CYP2C19: variants seen among roughly 807,000 people sequenced by gnomAD.
CYP2C19 encodes cytochrome P450 2C19.
In CYP2C19, 59 loss-of-function variants were observed where a neutral mutation model predicts 40.9. The observed-to-expected ratio is 1.44, with a 90% CI of 1.17 to 1.79. The LOEUF (loss-of-function observed/expected upper bound fraction) is 1.79, where lower values mean the gene tolerates loss of function less well. Ranked by LOEUF, CYP2C19 falls within the 40% of genes most tolerant of loss-of-function variation. The probability of loss-of-function intolerance (pLI) is 0.00; values close to 1 mark genes in which losing one functional copy is unlikely to be tolerated. For synonymous variants in CYP2C19, 253 were observed against 208.7 expected, an observed-to-expected ratio of 1.21 and a Z score of -1.83; for missense variants, 754 against 596.9, an observed-to-expected ratio of 1.26 and a Z score of -2.74.
chr10:94,820,254 G>T (rs1018087627), intron 5 of CYP2C19, among the ~76,000 whole-genome samples: 6 of 151,770 alleles, frequency 4.0e-5, no homozygotes, highest in African/African-American at 1.5e-4. Flanking sequence ...AATAATAAGA[G>T]CTATCTATGA....
chr10:94,768,350 G>C (rs185366974), intron 1 of CYP2C19, among the ~76,000 whole-genome samples: 6 of 152,024 alleles, frequency 3.9e-5, no homozygotes, highest in African/African-American at 1.2e-4. Flanking sequence ...AACTTCCTTC[G>C]GTATATAGGT....
At chr10:94,827,611 CCAG>C (rs1849250817) in intron 6 of CYP2C19, among the ~76,000 whole-genome samples, 1 of 152,150 alleles carries the variant, frequency 6.6e-6, no homozygotes, top group African/African-American at 2.4e-5. Context: ...TTCAAAAAAA[CCAG>C]CTCCTGGATT....
At chr10:94,795,313 T>C (rs1848668008) in intron 5 of CYP2C19, among the ~76,000 whole-genome samples, 1 of 151,930 alleles carries the variant, frequency 6.6e-6, no homozygotes, top group South Asian at 2.1e-4. Flanking sequence ...TTCATCCATG[T>C]CCCTACAAAG....
chr10:94,838,426 C>T (rs955774365), intron 6 of CYP2C19, among the ~76,000 whole-genome samples: 10 of 152,158 alleles, frequency 6.6e-5, no homozygotes, highest in Admixed American at 3.9e-4. Flanking sequence ...CAAAGGATTG[C>T]CCTAACCCTT....
intron 6 of CYP2C19, among the ~76,000 whole-genome samples, chr10:94,828,008 A>G (rs1413894764): frequency 2.0e-5 from 3 of 151,844 alleles, no homozygotes; most frequent in Non-Finnish European, 4.4e-5. Flanking sequence ...TTCTAGTTTG[A>G]TTGCACTGTG....
chr10:94,774,990 C>T, intron 1 of CYP2C19, 68 bp from the exon 2 acceptor site: 1 of 1,516,014 alleles, frequency 6.6e-7, no homozygotes, highest in Non-Finnish European at 9.1e-7. Context: ...AAATATGAAT[C>T]TAAGTCAGGC....
chr10:94,780,628 A>G lies in CYP2C19; in HGVS notation c.611A>G (p.Asn204Ser), dbSNP rs1564662986. Residue 204 changes from asparagine to serine, a missense_variant, in exon 4 of 9, where the codon AAC becomes AGC. Physicochemically the swap from Asn to Ser is conservative, Grantham distance 46. Coordinates refer to ENST00000371321, the MANE Select transcript of CYP2C19 (RefSeq NM_000769.4). ...FLNLMEKLNENIRIVSTPWIQ... is the reference protein window; with the variant it reads ...FLNLMEKLNESIRIVSTPWIQ... ...AACTTGATGGAAAAATTGAATGAAA[A>G]CATCAGGATTGTAAGCACCCCCTGG... 6.2e-7 allele frequency: 1 copy of G among 1,613,816 alleles called. No homozygotes were observed. The highest frequency in any genetic ancestry group is 2.2e-5 in the East Asian group (1 of 44,862).
chr10:94,786,698 C>A (rs1348320144), intron 5 of CYP2C19, among the ~76,000 whole-genome samples: 5 of 151,976 alleles, frequency 3.3e-5, no homozygotes, highest in Non-Finnish European at 2.9e-5. Flanking sequence ...ATCTCTCTAC[C>A]ATCTATAGTA....
At position 94,784,503 on chromosome 10, in the gene CYP2C19, C is replaced by T. The variant is rs1027303422; in HGVS notation, c.819+2506C>T. On this transcript the variant is annotated intron_variant, in intron 5 of 8. Transcript: ENST00000371321. The stretch of plus-strand genomic sequence containing the variant: ...ACAGTGAATGTGGCATTTTATATTC[C>T]TTCCAGCAATGTAGAAGGATTTCTG... Among the ~76,000 whole-genome samples, 3 of 152,036 alleles carry T rather than the reference C, an allele frequency of 2.0e-5. No homozygotes were observed. In the East Asian group the frequency reaches 5.8e-4, roughly 29 times the overall value.
intron 6 of CYP2C19, among the ~76,000 whole-genome samples, chr10:94,833,488 T>A (rs1343827939): frequency 6.6e-6 from 1 of 152,156 alleles, no homozygotes; most frequent in African/African-American, 2.4e-5. Context: ...TTAGGGTACA[T>A]GTGCACATTG....
At chr10:94,774,901 T>G (rs991212787) in intron 1 of CYP2C19, 157 bp from the exon 2 acceptor site, 1 of 792,920 alleles carries the variant, frequency 1.3e-6, no homozygotes, top group Admixed American at 2.9e-5. Context: ...GCAAGTATAA[T>G]AATCATCATC....
chr10:94,789,986 T>C (rs1053806991), intron 5 of CYP2C19, among the ~76,000 whole-genome samples: 1 of 152,180 alleles, frequency 6.6e-6, no homozygotes, highest in East Asian at 1.9e-4. Flanking sequence ...GCATGGAATG[T>C]TCTTGCATTT....
intron 6 of CYP2C19, among the ~76,000 whole-genome samples, chr10:94,830,460 AC>A (rs1849315474): frequency 6.6e-6 from 1 of 152,052 alleles, no homozygotes; most frequent in Non-Finnish European, 1.5e-5. Context: ...CAGAAAGGGA[AC>A]TCCCTGACCC....
chr10:94,840,221 G>A lies in CYP2C19; in HGVS notation c.962-2616G>A, dbSNP rs557976282. 2.6e-5 allele frequency among the ~76,000 whole-genome samples: 4 copies of A among 151,552 alleles called. No individual in the cohort carries two copies. In the East Asian group the frequency reaches 5.8e-4, roughly 22 times the overall value. On this transcript the variant is annotated intron_variant, in intron 6 of 8. Transcript: ENST00000371321. ...ATTTACCCTGGCTTTTAAAGGAATG[G>A]GGCACACTTTTTTTTTTTTTAACTA...
chr10:94,773,270 T>C (rs1848360956), intron 1 of CYP2C19, among the ~76,000 whole-genome samples: 1 of 152,154 alleles, frequency 6.6e-6, no homozygotes, highest in African/African-American at 2.4e-5. Context: ...TCTCACTGAC[T>C]TCAAGAATGA....
intron 5 of CYP2C19, among the ~76,000 whole-genome samples, chr10:94,793,289 T>C (rs949308159): frequency 3.9e-5 from 6 of 152,184 alleles, no homozygotes; most frequent in African/African-American, 9.6e-5. Context: ...TTCTTTGTGA[T>C]GGGTTCAAAC....
At chr10:94,834,338 T>C (rs975202693) in intron 6 of CYP2C19, among the ~76,000 whole-genome samples, 4 of 152,140 alleles carry the variant, frequency 2.6e-5, no homozygotes, top group African/African-American at 9.6e-5. Flanking sequence ...GCAGTATCAG[T>C]TGTATTGCTT....
At position 94,828,180 on chromosome 10, in the gene CYP2C19, C is replaced by T. The variant is rs567328215; in HGVS notation, c.961+7543C>T. Among the ~76,000 whole-genome samples the T allele has an allele frequency of 2.9e-3, 437 of 151,996 alleles. 2 individuals carry two copies. The highest frequency in any genetic ancestry group is 9.9e-3 in the African/African-American group (411 of 41,386). ...GAGTTCTGTAGATGCCTATTAGGTC[C>T]GCTTGGTGCAGACCTGAGTTCAATT... On this transcript the variant is annotated intron_variant, in intron 6 of 8. Transcript: ENST00000371321.
Position 94,762,774 on chromosome 10 carries a change from C to T in CYP2C19, c.69C>T (p.Ser23=), listed in dbSNP as rs1321377551. The change falls in exon 1 of 9, where the codon AGC becomes AGT. Residue 23 remains serine, a synonymous_variant. Coordinates refer to ENST00000371321, the MANE Select transcript of CYP2C19 (RefSeq NM_000769.4). The part of the protein sequence containing the change: ...CLLLLSIWRQ[S]SGRGKLPPGP... ...TTCTCCTTTCAATCTGGAGACAGAG[C>T]TCTGGGAGAGGAAAACTCCCTCCTG... 3 of 1,613,916 alleles carry T rather than the reference C, an allele frequency of 1.9e-6. No homozygotes were observed. Among genetic ancestry groups the T allele is most frequent in the East Asian group, 2.2e-5 (1 of 44,876 alleles).
Sources: gnomAD v4.1 joint callset for allele counts (sites outside exome capture counted in the v4.1 genomes callset) on GRCh38, gnomAD v4.1.1 for gene constraint, MANE v1.5 for transcripts, NCBI Gene and HGNC (gene_info 2026-07-23, HGNC 2026-07-21) for gene names.